The following CNOT4 variants were observed in gnomAD, a reference collection of about 807,000 sequenced individuals.
CNOT4 encodes the protein CCR4-associated factor 4.
A neutral mutation model predicts 73.8 loss-of-function variants in CNOT4; 8 were observed. The observed-to-expected ratio is 0.11, with a 90% CI of 0.06 to 0.20. The LOEUF (loss-of-function observed/expected upper bound fraction) is 0.20, where lower values mean the gene tolerates loss of function less well. CNOT4 is among the 10% of genes least tolerant of loss of function. CNOT4 has a pLI of 1.00. For synonymous variants in CNOT4, 293 were observed against 321.1 expected, an observed-to-expected ratio of 0.91 and a Z score of 0.94; for missense variants, 564 against 883.4, an observed-to-expected ratio of 0.64 and a Z score of 4.58.
chr7:135,388,622 G>A, intron 10 of CNOT4: 1 of 1,247,038 alleles, frequency 8.0e-7, no homozygotes, highest in Non-Finnish European at 1.0e-6. Context: ...AAGGCCTAAT[G>A]AAGAAATACT....
At chr7:135,395,315 T>A (rs1020148629) in intron 9 of CNOT4, among the ~76,000 whole-genome samples, 5 of 151,718 alleles carry the variant, frequency 3.3e-5, no homozygotes, top group Admixed American at 6.6e-5. Flanking sequence ...CTACTTGCAC[T>A]CCAGCCTGGG....
At chr7:135,489,547 A>T (rs759131683) in intron 1 of CNOT4, among the ~76,000 whole-genome samples, 1 of 151,578 alleles carries the variant, frequency 6.6e-6, no homozygotes, top group Non-Finnish European at 1.5e-5. Context: ...AGGCGTCCAC[A>T]ACCACACCCA....
At chr7:135,509,644 G>A (rs140436150) in intron 1 of CNOT4, 52 of 164,660 alleles carry the variant, frequency 3.2e-4, no homozygotes, top group South Asian at 2.8e-3. Flanking sequence ...TCTCGAAGGA[G>A]AGTCGCTGCT....
At chr7:135,372,153 C>A (rs1795242136) in intron 10 of CNOT4, among the ~76,000 whole-genome samples, 1 of 152,196 alleles carries the variant, frequency 6.6e-6, no homozygotes, top group Non-Finnish European at 1.5e-5. Context: ...AGAAAATAAA[C>A]CTGATAAAAC....
intron 1 of CNOT4, among the ~76,000 whole-genome samples, chr7:135,441,182 G>A (rs1033737869): frequency 3.3e-5 from 5 of 151,890 alleles, no homozygotes; most frequent in Admixed American, 6.6e-5. Context: ...AAGACAAAAC[G>A]GAGGTAGGAG....
intron 10 of CNOT4, among the ~76,000 whole-genome samples, chr7:135,392,951 A>G (rs1796478738): frequency 6.6e-6 from 1 of 152,202 alleles, no homozygotes; most frequent in Non-Finnish European, 1.5e-5. Flanking sequence ...GTGCCATGCC[A>G]TATCTAACAA....
chr7:135,423,239 A>G (rs1351907131), intron 2 of CNOT4, among the ~76,000 whole-genome samples: 1 of 152,102 alleles, frequency 6.6e-6, no homozygotes, highest in Non-Finnish European at 1.5e-5. Context: ...ATAGGGGCAC[A>G]TTAAATGCCA....
chr7:135,494,267 C>T (rs1448734841), intron 1 of CNOT4, among the ~76,000 whole-genome samples: 131 of 151,704 alleles, frequency 8.6e-4, no homozygotes, highest in Admixed American at 2.2e-3. Flanking sequence ...GTCAGGAGTT[C>T]AAGACCAGCC....
At chr7:135,477,618 C>T (rs752277358) in intron 1 of CNOT4, among the ~76,000 whole-genome samples, 8 of 152,196 alleles carry the variant, frequency 5.3e-5, no homozygotes, top group Non-Finnish European at 1.2e-4. Context: ...ATTCTTCCAT[C>T]TTAATAGATG....
intron 8 of CNOT4, among the ~76,000 whole-genome samples, chr7:135,397,464 G>A (rs962184661): frequency 6.6e-6 from 1 of 151,976 alleles, no homozygotes; most frequent in Non-Finnish European, 1.5e-5. Flanking sequence ...TCATTAAAAC[G>A]TTTAGAAAAG....
At chr7:135,370,743 C>A (rs1173076306) in intron 10 of CNOT4, among the ~76,000 whole-genome samples, 1 of 152,174 alleles carries the variant, frequency 6.6e-6, no homozygotes, top group East Asian at 1.9e-4. Context: ...TAATTCCTAT[C>A]TGTATAATGC....
chr7:135,424,412 A>G (rs1157512803), intron 2 of CNOT4, among the ~76,000 whole-genome samples: 1 of 152,200 alleles, frequency 6.6e-6, no homozygotes, highest in Non-Finnish European at 1.5e-5. Flanking sequence ...AAGATAACTT[A>G]AATTTTTCAT....
intron 2 of CNOT4, among the ~76,000 whole-genome samples, chr7:135,426,006 T>C (rs368185776): frequency 1.2e-3 from 188 of 151,120 alleles, no homozygotes; most frequent in African/African-American, 4.3e-3. Flanking sequence ...GGTAGGAGGA[T>C]TGCAAGACAG....
intron 1 of CNOT4, among the ~76,000 whole-genome samples, chr7:135,487,309 C>G (rs1802788972): frequency 6.6e-6 from 1 of 152,068 alleles, no homozygotes; most frequent in African/African-American, 2.4e-5. Context: ...GCCATCACAG[C>G]TTACTGCAGC....
intron 1 of CNOT4, among the ~76,000 whole-genome samples, chr7:135,450,075 G>C (rs1023984850): frequency 9.2e-5 from 14 of 152,136 alleles, no homozygotes; most frequent in Non-Finnish European, 1.8e-4. Flanking sequence ...GTCAGGCACA[G>C]TGGCCAACAC....
At chr7:135,508,127 C>T (rs888557435) in intron 1 of CNOT4, among the ~76,000 whole-genome samples, 1 of 152,170 alleles carries the variant, frequency 6.6e-6, no homozygotes, top group Non-Finnish European at 1.5e-5. Context: ...CCACATGAGA[C>T]TGTCACTGAT....
At chr7:135,416,782 C>G (rs1797898331) in intron 3 of CNOT4, among the ~76,000 whole-genome samples, 1 of 152,078 alleles carries the variant, frequency 6.6e-6, no homozygotes, top group South Asian at 2.1e-4. Context: ...TTTGTGGAAA[C>G]TTTTATTGGG....
At chr7:135,413,343 A>T in intron 6 of CNOT4, 145 bp downstream of exon 6, 1 of 887,332 alleles carries the variant, frequency 1.1e-6, no homozygotes, top group Non-Finnish European at 1.7e-6. Flanking sequence ...ACCTTCCATT[A>T]AACACTTCAT....
intron 1 of CNOT4, among the ~76,000 whole-genome samples, chr7:135,477,385 T>G (rs1802063688): frequency 6.6e-6 from 1 of 152,066 alleles, no homozygotes. Flanking sequence ...CACTGGATGA[T>G]CAGAATTAAA....
Sources: allele counts gnomAD v4.1 joint callset (sites outside exome capture counted in the v4.1 genomes callset), GRCh38; gene constraint gnomAD v4.1.1; transcripts MANE v1.5; gene names NCBI Gene and HGNC (gene_info 2026-07-23, HGNC 2026-07-21).